STAB1: variants seen among roughly 807,000 people sequenced by gnomAD.
STAB1 encodes the protein stabilin 1.
Under a neutral mutation model 332.4 loss-of-function variants are expected in STAB1, and 250 were observed. The ratio of observed to expected loss-of-function variants is 0.75; its 90% CI spans 0.68 to 0.84. The LOEUF (loss-of-function observed/expected upper bound fraction) is 0.84, where lower values mean the gene tolerates loss of function less well. STAB1 is among the 40% of genes least tolerant of loss of function. The pLI is 0.00. For missense variants in STAB1, 3,249 were observed against 3,489.7 expected (o/e 0.93, Z 1.74); for synonymous variants, 1,475 against 1,390.4 (o/e 1.06, Z -1.35).
chr3:52,505,456 G>A, intron 14 of STAB1, 75 bp downstream of exon 14: 2 of 1,477,908 alleles, frequency 1.4e-6, no homozygotes, highest in Non-Finnish European at 1.9e-6. Flanking sequence ...CCCAGATTCT[G>A]CCCCACAGTG....
rs552227653 is a variant in STAB1, at chr3:52,512,813, C to T, written c.3028-15C>T. 2.5e-6 allele frequency: 4 copies of T among 1,607,824 alleles called. No individual in the cohort carries two copies. The highest frequency in any genetic ancestry group is 2.2e-5 in the East Asian group (1 of 44,854). Reference sequence around the variant, plus strand: ...TTCCTCGCTCCTCCCGCCCCTGCTCCCTGTGTGCGTGCAGAGTGCCGGCAT... The same window carrying T: ...TTCCTCGCTCCTCCCGCCCCTGCTCTCTGTGTGCGTGCAGAGTGCCGGCAT... On this transcript the variant is annotated splice_polypyrimidine_tract_variant and intron_variant, in intron 28 of 68. Transcript: ENST00000321725.
In STAB1 at chr3:52,509,297, A is replaced by T; in HGVS notation, c.2323A>T (p.Lys775Ter). The T allele has an allele frequency of 6.2e-7, 1 of 1,613,532 alleles. No individual in the cohort carries two copies. The highest frequency in any genetic ancestry group is 8.5e-7 in the Non-Finnish European group (1 of 1,179,978). The change falls in exon 22 of 69, where the codon AAG becomes TAG. Residue 775 changes from lysine to a stop codon, truncating the protein, a stop_gained. Transcript: ENST00000321725. LOFTEE classifies it high-confidence loss of function. The part of the protein sequence containing the change: ...IACHICSNPN[K>*]HGEQCQEDCG... ...CTGCCACATCTGCTCGAACCCAAACAAGCATGGAGAGCAATGCCAGGAAGG... is the reference window on the plus strand; with the variant it reads ...CTGCCACATCTGCTCGAACCCAAACTAGCATGGAGAGCAATGCCAGGAAGG...
chr3:52,520,771 C>T (rs769107417), intron 54 of STAB1, 33 bp from the exon 55 acceptor site: 1 of 1,612,722 alleles, frequency 6.2e-7, no homozygotes, highest in South Asian at 1.1e-5. Flanking sequence ...AAACTCAGAA[C>T]CACCCAACTG....
chr3:52,517,941 T>G lies in STAB1; in HGVS notation c.4699T>G (p.Cys1567Gly). 1 of 1,610,844 alleles carries G rather than the reference T, an allele frequency of 6.2e-7. No individual in the cohort carries two copies. The highest frequency in any genetic ancestry group is 8.5e-7 in the Non-Finnish European group (1 of 1,179,376). The change falls in exon 45 of 69, where the codon TGT (cysteine) becomes GGT (glycine). Residue 1567 changes from cysteine (C) to glycine (G), a missense_variant. Transcript: ENST00000321725. ...CKSTGDGQRT[C>G]TCDTAHTVGD... ...AAGCACAGGGGATGGCCAGAGGACA[T>G]GTACCTGCGACACAGCCCACACCGT...
chr3:52,517,492 C>T, intron 43 of STAB1, 58 bp from the exon 44 acceptor site: 1 of 1,600,642 alleles, frequency 6.2e-7, no homozygotes, highest in Non-Finnish European at 8.5e-7. Context: ...ACCCTTTTAC[C>T]CAGGGTGCTG....
At chr3:52,505,564 A>G (rs1708789610) in intron 14 of STAB1, 104 bp from the exon 15 acceptor site, 2 of 1,279,956 alleles carry the variant, frequency 1.6e-6, no homozygotes. Flanking sequence ...TCTCCCCCTT[A>G]CTCAGTGGGA....
rs746604204 is a variant in STAB1 at position 52,510,428 on chromosome 3, T to G, written c.2708T>G (p.Val903Gly). 6.2e-7 allele frequency: 1 copy of G among 1,613,876 alleles called. No homozygotes were observed. Among genetic ancestry groups the G allele is most frequent in the Non-Finnish European group, 8.5e-7 (1 of 1,179,982 alleles). The change falls in exon 25 of 69, where the codon GTG (valine) becomes GGG (glycine). Residue 903 changes from valine to glycine, a missense_variant. By Grantham distance (109) the Val-to-Gly change is moderately radical. Coordinates refer to ENST00000321725, the MANE Select transcript of STAB1 (RefSeq NM_015136.3). The stretch of plus-strand genomic sequence containing the variant: ...TGGAGTGGGGATGGCCGCGTCTGTG[T>G]GGCTATTGACGAGTGTGAGCTGGAC... ...KGWSGDGRVC[V>G]AIDECELDMR... is the part of the protein sequence containing the mutation.
At chr3:52,501,423 C>T in intron 2 of STAB1, 121 bp downstream of exon 2, 1 of 1,469,924 alleles carries the variant, frequency 6.8e-7, no homozygotes, top group Admixed American at 1.8e-5. Context: ...CCCCTGTGGC[C>T]CCACCTGGGT....
Position 52,512,947 on chromosome 3 carries a change from G to T in STAB1, c.3147G>T (p.Pro1049=), listed in dbSNP as rs573347386. The stretch of plus-strand genomic sequence containing the variant: ...TCTGGCTGCAGCCAAGGACGCTGCC[G>T]AACCTGGTCAGGTGGGGCCGCCATT... The part of the protein sequence containing the change: ...RAFWLQPRTL[P]NLVRAHFLQG... Residue 1049 remains proline (P), a synonymous_variant, in exon 29 of 69, where the codon CCG becomes CCT. Transcript: ENST00000321725. 8.7e-6 allele frequency: 14 copies of T among 1,609,944 alleles called. No individual in the cohort carries two copies. In the East Asian group the frequency reaches 2.7e-4, roughly 31 times the overall value.
In STAB1 at chr3:52,513,150, C is replaced by T. The variant is rs1194877243; in HGVS notation, c.3179C>T (p.Ala1060Val). The change falls in exon 30 of 69, where the codon GCC (alanine) becomes GTC (valine). Residue 1060 changes from alanine (A) to valine (V), a missense_variant. Coordinates refer to ENST00000321725, the MANE Select transcript of STAB1 (RefSeq NM_015136.3). ...GTCAGGGCCCATTTTCTCCAGGGTGCCCTCTTCGAGGAGGAGCTGGCCCGG... is the reference window on the plus strand; with the variant it reads ...GTCAGGGCCCATTTTCTCCAGGGTGTCCTCTTCGAGGAGGAGCTGGCCCGG... ...NLVRAHFLQG[A>V]LFEEELARLG... The T allele has an allele frequency of 1.3e-6, 2 of 1,573,216 alleles. No homozygotes were observed. The highest frequency in any genetic ancestry group is 1.7e-6 in the Non-Finnish European group (2 of 1,159,138).
At chr3:52,521,128 T>C (rs1575365755) in intron 55 of STAB1, 123 bp downstream of exon 55, 3 of 1,261,426 alleles carry the variant, frequency 2.4e-6, no homozygotes, top group Non-Finnish European at 3.2e-6. Flanking sequence ...GGGTGGTGAG[T>C]AGATTTTACT....
Position 52,523,461 on chromosome 3 carries a change from CCAA to C in STAB1, c.7177_7179del (p.Asn2393del). On this transcript the variant is annotated inframe_deletion, in exon 65 of 69. Transcript: ENST00000321725. ...GGCCCAGACTTGGAGCTGCATGCCT[CCAA>C]CGCCACCCTCCTAAGTGCCAACGCC... is the stretch of plus-strand genomic sequence containing the variant. The C allele has an allele frequency of 6.2e-7, 1 of 1,610,580 alleles. No homozygotes were observed. Among genetic ancestry groups the C allele is most frequent in the Non-Finnish European group, 8.5e-7 (1 of 1,178,180 alleles).
intron 18 of STAB1, 70 bp from the exon 19 acceptor site, chr3:52,507,543 C>A: frequency 6.7e-7 from 1 of 1,497,280 alleles, no homozygotes; most frequent in East Asian, 2.4e-5. Flanking sequence ...TCAATGTTCC[C>A]TTCTCTGGGT....
At position 52,515,063 on chromosome 3, in the gene STAB1, G is replaced by C; in HGVS notation, c.3864+18G>C. The C allele has an allele frequency of 1.9e-6, 3 of 1,612,748 alleles. No homozygotes were observed. Among genetic ancestry groups the C allele is most frequent in the Non-Finnish European group, 2.5e-6 (3 of 1,179,722 alleles). ...AGCTGCAGGTGAGACTGGGCTTAGC[G>C]CAGCTCTGTCCCTGTGTTGCCTGCC... is the stretch of plus-strand genomic sequence containing the variant. On this transcript the variant is annotated intron_variant, in intron 36 of 68. Coordinates refer to ENST00000321725, the MANE Select transcript of STAB1 (RefSeq NM_015136.3).
intron 42 of STAB1, 66 bp from the exon 43 acceptor site, chr3:52,517,254 G>A (rs1559708880): frequency 9.4e-6 from 14 of 1,490,870 alleles, no homozygotes; most frequent in Non-Finnish European, 1.2e-5. Flanking sequence ...ACAGATGAAG[G>A]TACAAAGGAC....
At chr3:52,502,931 C>G in intron 6 of STAB1, 68 bp from the exon 7 acceptor site, 1 of 1,391,584 alleles carries the variant, frequency 7.2e-7, no homozygotes, top group Non-Finnish European at 9.7e-7. Context: ...ACAGGCAAGG[C>G]CCCTTTGCCC....
rs772654393 is a variant in STAB1, at chr3:52,520,717, A to C, written c.5706+19A>C. ...GGAGCAGGTACAGGGCTAGGGGCTG[A>C]GTGGGGGTGGTGGGGTGGGGGCAGG... On this transcript the variant is annotated intron_variant, in intron 54 of 68. Transcript: ENST00000321725. 4.7e-6 allele frequency: 2 copies of C among 424,216 alleles called. No individual in the cohort carries two copies. Among genetic ancestry groups the C allele is most frequent in the Non-Finnish European group, 7.9e-6 (2 of 252,384 alleles). 26.3% of individuals were successfully genotyped at this position (424,216 alleles called of 1,614,324 possible).
intron 1 of STAB1, among the ~76,000 whole-genome samples, chr3:52,498,351 C>G (rs998135198): frequency 8.7e-4 from 133 of 152,314 alleles, no homozygotes; most frequent in African/African-American, 3.0e-3. Context: ...GCACTCAGGC[C>G]GTGATCCAGC....
rs746487168 is a variant in STAB1 at position 52,522,030 on chromosome 3, C to T, written c.6272-7C>T. The T allele has an allele frequency of 1.2e-6, 2 of 1,612,984 alleles. No homozygotes were observed. The highest frequency in any genetic ancestry group is 3.3e-5 in the Admixed American group (2 of 59,994). On this transcript the variant is annotated splice_region_variant and splice_polypyrimidine_tract_variant and intron_variant, in intron 58 of 68. Transcript: ENST00000321725. ...ACTAGGTCCAACCACTCCCTCCCTG[C>T]CCTCAGTGGCAGACCTGTGCCAGGA...
Sources: gnomAD v4.1 joint callset for allele counts (sites outside exome capture counted in the v4.1 genomes callset) on GRCh38, gnomAD v4.1.1 for gene constraint, MANE v1.5 for transcripts, NCBI Gene and HGNC (gene_info 2026-07-23, HGNC 2026-07-21) for gene names.